HEMK2: variants seen among roughly 807,000 people sequenced by gnomAD.
The protein encoded by HEMK2 is HemK methyltransferase 2, ETF1 glutamine and histone H4 lysine.
At chr21:28,621,416 G>T in the HEMK2 span, among the ~76,000 whole-genome samples, 1 of 152,132 alleles carries the variant, frequency 6.6e-6, no homozygotes, top group African/African-American at 2.4e-5. Flanking sequence ...TTAAATCTGG[G>T]TGTTCCTATA....
At chr21:28,649,297 A>G in the HEMK2 span, among the ~76,000 whole-genome samples, 1 of 152,194 alleles carries the variant, frequency 6.6e-6, no homozygotes, top group East Asian at 1.9e-4. Flanking sequence ...AACTAAACCC[A>G]TCTAGAAGGA....
At chr21:28,811,479 GAAAA>G in the HEMK2 span, among the ~76,000 whole-genome samples, 2 of 151,320 alleles carry the variant, frequency 1.3e-5, no homozygotes, top group African/African-American at 4.9e-5. Flanking sequence ...GGGAAAGAAA[GAAAA>G]GAAAGAAAGC....
chr21:28,826,414 G>C, the HEMK2 span, among the ~76,000 whole-genome samples: 1 of 152,304 alleles, frequency 6.6e-6, no homozygotes, highest in East Asian at 1.9e-4. Flanking sequence ...TCTGGGGAAA[G>C]AATCTCTCTG....
chr21:28,812,574 A>C, the HEMK2 span, among the ~76,000 whole-genome samples: 4 of 152,204 alleles, frequency 2.6e-5, no homozygotes, highest in African/African-American at 9.6e-5. Context: ...ATTGATGTTC[A>C]TCAGGGATAT....
At chr21:28,812,628 G>T in the HEMK2 span, among the ~76,000 whole-genome samples, 2 of 152,310 alleles carry the variant, frequency 1.3e-5, no homozygotes, top group East Asian at 3.9e-4. Context: ...CCAGGTTTTG[G>T]TATCAGGATT....
the HEMK2 span, among the ~76,000 whole-genome samples, chr21:28,621,240 G>C: frequency 6.6e-6 from 1 of 152,042 alleles, no homozygotes; most frequent in Non-Finnish European, 1.5e-5. Context: ...TGTTAGCTGT[G>C]TCCCAGAGAT....
the HEMK2 span, among the ~76,000 whole-genome samples, chr21:28,754,281 C>T: frequency 6.6e-6 from 1 of 152,196 alleles, no homozygotes; most frequent in African/African-American, 2.4e-5. Context: ...CCTCCAGTAG[C>T]AAACAATAAA....
At chr21:28,669,338 G>C in the HEMK2 span, among the ~76,000 whole-genome samples, 1 of 152,126 alleles carries the variant, frequency 6.6e-6, no homozygotes, top group East Asian at 1.9e-4. Context: ...CAGCCTGGGT[G>C]ACAGAGTGAG....
chr21:28,807,826 T>C, the HEMK2 span, among the ~76,000 whole-genome samples: 1 of 152,180 alleles, frequency 6.6e-6, no homozygotes, highest in Non-Finnish European at 1.5e-5. Flanking sequence ...TAAAACTAAA[T>C]ACCTGTGAAA....
At chr21:28,778,618 C>T in the HEMK2 span, among the ~76,000 whole-genome samples, 1 of 152,146 alleles carries the variant, frequency 6.6e-6, no homozygotes, top group Non-Finnish European at 1.5e-5. Context: ...TTTAGCCATC[C>T]AGATAGGTAT....
the HEMK2 span, among the ~76,000 whole-genome samples, chr21:28,737,668 G>A: frequency 1.1e-4 from 16 of 151,876 alleles, no homozygotes; most frequent in Admixed American, 7.9e-4. Flanking sequence ...CCAAGCTTAC[G>A]ATGAAAATTT....
the HEMK2 span, among the ~76,000 whole-genome samples, chr21:28,625,201 T>C: frequency 6.6e-6 from 1 of 152,192 alleles, no homozygotes; most frequent in Non-Finnish European, 1.5e-5. Context: ...AGGTACATTT[T>C]TGCAGAGCTG....
At chr21:28,860,201 TGG>T in the HEMK2 span, among the ~76,000 whole-genome samples, 5 of 152,118 alleles carry the variant, frequency 3.3e-5, no homozygotes, top group African/African-American at 1.2e-4. Context: ...TTAATCTGGG[TGG>T]GCACAATCTA....
the HEMK2 span, among the ~76,000 whole-genome samples, chr21:28,852,676 C>A: frequency 6.6e-6 from 1 of 152,176 alleles, no homozygotes; most frequent in Non-Finnish European, 1.5e-5. Flanking sequence ...GGTTATAGGT[C>A]TGTAAACTGG....
the HEMK2 span, among the ~76,000 whole-genome samples, chr21:28,681,324 C>T: frequency 1.1e-3 from 170 of 152,116 alleles, no homozygotes; most frequent in Non-Finnish European, 1.9e-3. Context: ...GAATAAAATA[C>T]CTAGGAATCC....
the HEMK2 span, among the ~76,000 whole-genome samples, chr21:28,716,074 T>A: frequency 2.0e-5 from 3 of 152,228 alleles, no homozygotes; most frequent in African/African-American, 7.2e-5. Context: ...TTGAGTATTG[T>A]GATGCTTCCA....
At chr21:28,646,853 C>T in the HEMK2 span, among the ~76,000 whole-genome samples, 1 of 152,180 alleles carries the variant, frequency 6.6e-6, no homozygotes. Flanking sequence ...GATCCAAGAG[C>T]AAGTCCTCTT....
the HEMK2 span, among the ~76,000 whole-genome samples, chr21:28,659,932 T>C: frequency 1.3e-5 from 2 of 152,114 alleles, no homozygotes; most frequent in Non-Finnish European, 2.9e-5. Context: ...TTGGGGAGAA[T>C]TGAAATACTG....
At chr21:28,883,208 T>G in the HEMK2 span, 1 of 498,730 alleles carries the variant, frequency 2.0e-6, no homozygotes, top group South Asian at 5.4e-5. Context: ...AAATAGAAAT[T>G]TATAATTTCT....
Sources: allele counts gnomAD v4.1 joint callset (sites outside exome capture counted in the v4.1 genomes callset), GRCh38; gene constraint gnomAD v4.1.1; transcripts MANE v1.5; gene names NCBI Gene and HGNC (gene_info 2026-07-23, HGNC 2026-07-21).